GRAMD1B: variants seen among roughly 807,000 people sequenced by gnomAD.
The protein encoded by GRAMD1B is GRAM domain containing 1B.
In GRAMD1B, 37 loss-of-function variants were observed where a neutral mutation model predicts 99.7. That is an observed-to-expected ratio of 0.37 (90% CI 0.29 to 0.49). GRAMD1B has a LOEUF of 0.49. Ranked by LOEUF, GRAMD1B falls within the 20% of genes least tolerant of loss-of-function variation. The probability of loss-of-function intolerance (pLI) is 0.98; values close to 1 mark genes in which losing one functional copy is unlikely to be tolerated. For synonymous variants in GRAMD1B, 427 were observed against 387.6 expected (o/e 1.10, Z -1.19); for missense variants, 888 against 1,009.2 (o/e 0.88, Z 1.63).
chr11:123,515,199 A>G (rs1941558541), intron 2 of GRAMD1B, among the ~76,000 whole-genome samples: 1 of 152,166 alleles, frequency 6.6e-6, no homozygotes, highest in African/African-American at 2.4e-5. Context: ...AGATTGATAC[A>G]AGACGTCAGA....
chr11:123,380,370 C>T (rs766132263), intron 1 of GRAMD1B, among the ~76,000 whole-genome samples: 1 of 152,316 alleles, frequency 6.6e-6, no homozygotes. Context: ...ATTTAAAACT[C>T]AGATACTCAG....
At chr11:123,489,447 A>G (rs936798091) in intron 2 of GRAMD1B, among the ~76,000 whole-genome samples, 3 of 152,242 alleles carry the variant, frequency 2.0e-5, no homozygotes, top group African/African-American at 7.2e-5. Context: ...GCAAAGTTTA[A>G]GCAGAAGACA....
chr11:123,445,818 CAAAAAAAAAAA>C (rs36123733), intron 1 of GRAMD1B, among the ~76,000 whole-genome samples: 35 of 94,154 alleles, frequency 3.7e-4, no homozygotes, highest in African/African-American at 1.4e-3. Context: ...CACTTGTCTC[CAAAAAAAAAAA>C]AAAAAAAAAC....
intron 1 of GRAMD1B, among the ~76,000 whole-genome samples, chr11:123,389,001 C>T (rs893190152): frequency 6.6e-6 from 1 of 152,172 alleles, no homozygotes; most frequent in African/African-American, 2.4e-5. Context: ...GTACATACTC[C>T]TGAGACGATG....
At chr11:123,425,000 C>T (rs2136057812) in intron 1 of GRAMD1B, among the ~76,000 whole-genome samples, 1 of 152,302 alleles carries the variant, frequency 6.6e-6, no homozygotes, top group South Asian at 2.1e-4. Context: ...ATAACAAAGG[C>T]TAACATTTAT....
chr11:123,441,499 G>C (rs1949404867), intron 1 of GRAMD1B, among the ~76,000 whole-genome samples: 1 of 152,056 alleles, frequency 6.6e-6, no homozygotes, highest in Non-Finnish European at 1.5e-5. Flanking sequence ...AAATTAGCCA[G>C]GGCCAGGCAT....
At chr11:123,563,159 G>T (rs773205579) in intron 2 of GRAMD1B, among the ~76,000 whole-genome samples, 2 of 152,186 alleles carry the variant, frequency 1.3e-5, no homozygotes, top group Non-Finnish European at 2.9e-5. Context: ...ACGTGGAGGA[G>T]AAATTAGATT....
intron 2 of GRAMD1B, among the ~76,000 whole-genome samples, chr11:123,574,525 T>TA (rs1218266035): frequency 2.6e-5 from 4 of 152,050 alleles, no homozygotes; most frequent in Non-Finnish European, 2.9e-5. Flanking sequence ...AAGGATGAGG[T>TA]AAAAAGCTTT....
intron 6 of GRAMD1B, among the ~76,000 whole-genome samples, chr11:123,595,068 A>G (rs895657235): frequency 3.3e-5 from 5 of 152,132 alleles, no homozygotes; most frequent in African/African-American, 1.2e-4. Flanking sequence ...AGGACTGGGA[A>G]CATTTGCTTT....
At chr11:123,511,088 TC>T (rs1940962864) in intron 2 of GRAMD1B, among the ~76,000 whole-genome samples, 2 of 152,174 alleles carry the variant, frequency 1.3e-5, no homozygotes, top group African/African-American at 4.8e-5. Flanking sequence ...TCTCTCTCTC[TC>T]TGTCTTCTTC....
At chr11:123,380,082 C>G (rs1946822549) in intron 1 of GRAMD1B, among the ~76,000 whole-genome samples, 1 of 152,202 alleles carries the variant, frequency 6.6e-6, no homozygotes, top group Non-Finnish European at 1.5e-5. Context: ...ACACAAGTCT[C>G]TTGTCAAATA....
At chr11:123,601,795 C>T (rs1264762488) in intron 8 of GRAMD1B, among the ~76,000 whole-genome samples, 1 of 152,208 alleles carries the variant, frequency 6.6e-6, no homozygotes, top group Non-Finnish European at 1.5e-5. Context: ...CAGTTCACAG[C>T]TGCTGTCATT....
intron 19 of GRAMD1B, chr11:123,619,584 A>G (rs1417905346): frequency 8.9e-7 from 1 of 1,127,516 alleles, no homozygotes; most frequent in Non-Finnish European, 1.1e-6. Flanking sequence ...GTCTTCCCAG[A>G]GGGCATGTCT....
At chr11:123,513,590 C>CT (rs1941318036) in intron 2 of GRAMD1B, among the ~76,000 whole-genome samples, 5 of 79,712 alleles carry the variant, frequency 6.3e-5, no homozygotes, top group African/African-American at 3.1e-4. Context: ...TCCTTCCTTC[C>CT]TTCCTTCCTT....
chr11:123,445,295 A>T (rs1949587744), intron 1 of GRAMD1B, among the ~76,000 whole-genome samples: 1 of 152,142 alleles, frequency 6.6e-6, no homozygotes, highest in Admixed American at 6.5e-5. Flanking sequence ...AATCTGCCTT[A>T]ATCTAGAGAG....
At chr11:123,405,816 GT>G (rs1222106404) in intron 1 of GRAMD1B, among the ~76,000 whole-genome samples, 4 of 152,166 alleles carry the variant, frequency 2.6e-5, no homozygotes, top group African/African-American at 9.7e-5. Context: ...AATTTAGGGA[GT>G]TATGAGCACA....
Position 123,430,452 on chromosome 11 carries a change from A to G in GRAMD1B, c.-341A>G, listed in dbSNP as rs1028990498. 3 of 300,992 alleles carry G rather than the reference A, an allele frequency of 1.0e-5. No individual in the cohort carries two copies. The highest frequency in any genetic ancestry group is 6.6e-5 in the African/African-American group (3 of 45,356). The allele number at this position is 300,992 out of a possible 1,614,324, so 18.6% of individuals were successfully genotyped here. A position where few individuals can be genotyped will look rare whatever the true frequency, so the allele number is the denominator to read the frequency against. ...GTCCCGCTAAGGCAAAGACGCCAGC[A>G]AGCGAGGAAGCGCAGCGGAAGAAAA... is the stretch of plus-strand genomic sequence containing the variant. On this transcript the variant is annotated 5_prime_UTR_variant, in exon 1 of 20. Transcript: ENST00000635736.
intron 2 of GRAMD1B, among the ~76,000 whole-genome samples, chr11:123,564,599 A>T (rs1375820764): frequency 1.3e-5 from 2 of 152,248 alleles, no homozygotes; most frequent in East Asian, 1.9e-4. Context: ...CTCTCCCATC[A>T]GACTGTGAGT....
At chr11:123,593,942 C>T in intron 4 of GRAMD1B, 140 bp from the exon 5 acceptor site, 1 of 648,282 alleles carries the variant, frequency 1.5e-6, no homozygotes, top group Non-Finnish European at 2.8e-6. Context: ...GTTCCTCAGC[C>T]TGGCCTCCTA....
Sources: gnomAD v4.1 joint callset for allele counts (sites outside exome capture counted in the v4.1 genomes callset) on GRCh38, gnomAD v4.1.1 for gene constraint, MANE v1.5 for transcripts, NCBI Gene and HGNC (gene_info 2026-07-23, HGNC 2026-07-21) for gene names.